PBRM1: variants seen among roughly 807,000 people sequenced by gnomAD.
PBRM1 encodes polybromo 1, also known as protein polybromo-1.
Under a neutral mutation model 194.5 loss-of-function variants are expected in PBRM1, and 27 were observed. The ratio of observed to expected loss-of-function variants is 0.14; its 90% confidence interval spans 0.10 to 0.19. PBRM1 has a LOEUF of 0.19. Ranked by LOEUF, PBRM1 falls within the 10% of genes least tolerant of loss-of-function variation. The probability of loss-of-function intolerance (pLI) is 1.00; values close to 1 mark genes in which losing one functional copy is unlikely to be tolerated. For synonymous variants in PBRM1, 655 were observed against 693.2 expected (o/e 0.94, Z 0.87); for missense variants, 1,466 against 2,077.2 (o/e 0.71, Z 5.72).
intron 2 of PBRM1, among the ~76,000 whole-genome samples, chr3:52,678,180 TG>T (rs1159685793): frequency 3.9e-5 from 6 of 152,268 alleles, no homozygotes; most frequent in African/African-American, 1.4e-4. Context: ...TTGCCCAGGC[TG>T]GTGTCATACT....
At chr3:52,644,189 T>C (rs1290590272) in intron 8 of PBRM1, among the ~76,000 whole-genome samples, 1 of 151,950 alleles carries the variant, frequency 6.6e-6, no homozygotes, top group African/African-American at 2.4e-5. Flanking sequence ...ACAAAGTATA[T>C]AGTGATGTAA....
At chr3:52,665,485 G>GT (rs1310792507) in intron 3 of PBRM1, among the ~76,000 whole-genome samples, 1 of 152,070 alleles carries the variant, frequency 6.6e-6, no homozygotes, top group Non-Finnish European at 1.5e-5. Context: ...TATGGCAGGG[G>GT]TCCCCAACCC....
In PBRM1 at chr3:52,617,573, G is replaced by A. The variant is rs749803853; in HGVS notation, c.1542-35C>T. On this transcript the variant is annotated intron_variant, in intron 13 of 29. Coordinates refer to ENST00000296302, the Ensembl canonical transcript of PBRM1. ...GGGAGGTAGAAAAGGGGAAAAATTAGAATAGGTTCAGTTTTCTTAATATAC... is the reference window on the plus strand; with the variant it reads ...GGGAGGTAGAAAAGGGGAAAAATTAAAATAGGTTCAGTTTTCTTAATATAC... 3.3e-6 allele frequency: 5 copies of A among 1,516,258 alleles called. No homozygotes were observed. In the South Asian group the frequency reaches 3.7e-5, roughly 11 times the overall value. 93.9% of individuals were successfully genotyped at this position (1,516,258 alleles called of 1,614,324 possible). A position where few individuals can be genotyped will look rare whatever the true frequency, so the allele number is the denominator to read the frequency against.
In PBRM1 at chr3:52,616,912, A is replaced by C. The variant is rs1398014814; in HGVS notation, c.1818+350T>G. Among the ~76,000 whole-genome samples the C allele has an allele frequency of 2.0e-5, 3 of 152,290 alleles. No individual in the cohort carries two copies. In the South Asian group the frequency reaches 6.2e-4, roughly 32 times the overall value. The stretch of plus-strand genomic sequence containing the variant: ...CTTATTCAGTACCAGGCACTCTGCT[A>C]AATGCTCAGTATACATTATCTCTTT... On this transcript the variant is annotated intron_variant, in intron 14 of 29. Coordinates refer to ENST00000296302, the Ensembl canonical transcript of PBRM1.
At chr3:52,569,864 T>A (rs1559947677) in intron 22 of PBRM1, among the ~76,000 whole-genome samples, 1 of 152,238 alleles carries the variant, frequency 6.6e-6, no homozygotes, top group African/African-American at 2.4e-5. Flanking sequence ...AATTTTCACC[T>A]CCTTACTTTT....
At chr3:52,600,520 C>G (rs1276759740) in intron 17 of PBRM1, among the ~76,000 whole-genome samples, 1 of 151,910 alleles carries the variant, frequency 6.6e-6, no homozygotes, top group Admixed American at 6.6e-5. Context: ...TTTTTTAGTT[C>G]TTTTTCATGA....
intron 13 of PBRM1, among the ~76,000 whole-genome samples, chr3:52,620,107 T>C (rs774990528): frequency 1.4e-4 from 21 of 152,206 alleles, no homozygotes; most frequent in Non-Finnish European, 2.9e-4. Context: ...GGGGCAATGA[T>C]GTGACAGGAA....
At chr3:52,561,427 A>T (rs977522139) in intron 25 of PBRM1, among the ~76,000 whole-genome samples, 1 of 152,236 alleles carries the variant, frequency 6.6e-6, no homozygotes, top group Non-Finnish European at 1.5e-5. Flanking sequence ...TTTAATTAAA[A>T]TTATATTTAA....
intron 29 of PBRM1, among the ~76,000 whole-genome samples, chr3:52,549,176 C>T (rs994440361): frequency 6.6e-6 from 1 of 152,046 alleles, no homozygotes; most frequent in African/African-American, 2.4e-5. Context: ...CCAGACACCA[C>T]GCCCAGCTAA....
chr3:52,610,774 A>G (rs2094564985), intron 15 of PBRM1, among the ~76,000 whole-genome samples: 1 of 152,212 alleles, frequency 6.6e-6, no homozygotes, highest in South Asian at 2.1e-4. Flanking sequence ...CCCTGTGTCC[A>G]TTAAAAATAC....
intron 17 of PBRM1, among the ~76,000 whole-genome samples, chr3:52,599,829 CAA>C (rs534552603): frequency 3.3e-5 from 4 of 120,046 alleles, no homozygotes; most frequent in Non-Finnish European, 1.8e-5. Context: ...GACTCCATCT[CAA>C]AAAAAAAAAA....
chr3:52,557,788 T>C (rs550387209), intron 26 of PBRM1, among the ~76,000 whole-genome samples: 1 of 152,312 alleles, frequency 6.6e-6, no homozygotes, highest in East Asian at 1.9e-4. Context: ...CAATTCATTG[T>C]CAAAAAATCC....
intron 20 of PBRM1, among the ~76,000 whole-genome samples, chr3:52,582,914 G>A (rs1227437425): frequency 1.3e-5 from 2 of 150,380 alleles, no homozygotes; most frequent in Admixed American, 6.6e-5. Flanking sequence ...TGGCTAACAC[G>A]ATGAAACCCC....
At chr3:52,678,555 T>G (rs373517762) in exon 2 of PBRM1, 2 of 1,613,530 alleles carry the variant, frequency 1.2e-6, no homozygotes, top group African/African-American at 1.3e-5. Context: ...TGTTCATCCT[T>G]ATAGTCTCGG....
At chr3:52,655,298 C>T (rs1463579673) in intron 5 of PBRM1, among the ~76,000 whole-genome samples, 2 of 152,136 alleles carry the variant, frequency 1.3e-5, no homozygotes, top group African/African-American at 4.8e-5. Context: ...TTTGAGTATT[C>T]TAGGTACCTC....
chr3:52,579,372 G>A, intron 20 of PBRM1, 173 bp from the exon 23 acceptor site: 2 of 613,084 alleles, frequency 3.3e-6, no homozygotes, highest in Non-Finnish European at 5.7e-6. Flanking sequence ...GATCGCTTGA[G>A]CCCAAGAGTT....
chr3:52,684,857 T>G (rs2097285323), intron 1 of PBRM1: 1 of 152,226 alleles, frequency 6.6e-6, no homozygotes, highest in African/African-American at 2.4e-5. Context: ...TTGAAACACC[T>G]CTTCAAAACA....
At chr3:52,640,121 T>C (rs1285496157) in intron 10 of PBRM1, among the ~76,000 whole-genome samples, 2 of 152,294 alleles carry the variant, frequency 1.3e-5, no homozygotes, top group East Asian at 3.9e-4. Flanking sequence ...CATTAGGCAA[T>C]CCTTTTTATC....
intron 18 of PBRM1, among the ~76,000 whole-genome samples, chr3:52,588,294 C>T (rs1029746579): frequency 2.6e-5 from 4 of 152,192 alleles, no homozygotes; most frequent in African/African-American, 9.6e-5. Context: ...TCTATGCATA[C>T]TCCATGTCTC....
Sources: allele counts gnomAD v4.1 joint callset (sites outside exome capture counted in the v4.1 genomes callset), GRCh38; gene constraint gnomAD v4.1.1; transcripts MANE v1.5; gene names NCBI Gene and HGNC (gene_info 2026-07-23, HGNC 2026-07-21).